The following TFAP2C variants were observed in gnomAD, a reference collection of about 807,000 sequenced individuals.
TFAP2C encodes the protein transcription factor AP-2 gamma, also known as activating enhancer-binding protein 2 gamma.
A neutral mutation model predicts 42.9 loss-of-function variants in TFAP2C; 9 were observed. The ratio of observed to expected loss-of-function variants is 0.21; its 90% CI spans 0.13 to 0.37. The LOEUF (loss-of-function observed/expected upper bound fraction) is 0.37, where lower values mean the gene tolerates loss of function less well. Ranked by LOEUF, TFAP2C falls within the 10% of genes least tolerant of loss-of-function variation. The probability of loss-of-function intolerance (pLI) is 1.00; values close to 1 mark genes in which losing one functional copy is unlikely to be tolerated. For synonymous variants in TFAP2C, 264 were observed against 256.0 expected, an observed-to-expected ratio of 1.03 and a Z score of -0.30; for missense variants, 462 against 591.7, an observed-to-expected ratio of 0.78 and a Z score of 2.27.
intron 6 of TFAP2C, 117 bp from the exon 7 acceptor site, chr20:56,637,611 T>G: frequency 1.1e-6 from 1 of 870,138 alleles, no homozygotes; most frequent in Non-Finnish European, 1.8e-6. Context: ...TTCTCCTTCC[T>G]CGGGTTGAAG....
At chr20:56,633,996 C>CT (rs1383662247) in intron 4 of TFAP2C, among the ~76,000 whole-genome samples, 154 bp from the exon 5 acceptor site, 1 of 152,182 alleles carries the variant, frequency 6.6e-6, no homozygotes, top group African/African-American at 2.4e-5. Flanking sequence ...GAGGACCCTG[C>CT]TATCACTTTT....
chr20:56,631,465 G>T lies in TFAP2C; in HGVS notation c.309G>T (p.Trp103Cys). Residue 103 changes from tryptophan to cysteine, a missense_variant, in exon 2 of 7, where the codon TGG becomes TGT. Coordinates refer to ENST00000201031, the MANE Select transcript of TFAP2C (RefSeq NM_003222.4). The surrounding 1 kb of genome is among the most constrained non-coding windows in gnomAD (Gnocchi z 6.1). ...PAPTGSQQQAWPGRQSQEGAG... is the reference protein window; with the variant it reads ...PAPTGSQQQACPGRQSQEGAG... Reference sequence around the variant, plus strand: ...CCACAGGCAGCCAGCAGCAGGCCTGGCCCGGCCGCCAGAGCCAGGAGGGAG... The same window carrying T: ...CCACAGGCAGCCAGCAGCAGGCCTGTCCCGGCCGCCAGAGCCAGGAGGGAG... 1 of 1,545,084 alleles carries T rather than the reference G, an allele frequency of 6.5e-7. No homozygotes were observed. The highest frequency in any genetic ancestry group is 8.7e-7 in the Non-Finnish European group (1 of 1,148,708).
chr20:56,633,378 TC>T lies in TFAP2C; in HGVS notation c.613del (p.Leu205Ter). 1 of 1,613,932 alleles carries T rather than the reference TC, an allele frequency of 6.2e-7. No homozygotes were observed. Among genetic ancestry groups the T allele is most frequent in the Non-Finnish European group, 8.5e-7 (1 of 1,180,002 alleles). ...KGPISMTKNPLNLPCQKELVG... is the reference protein window; with the variant it reads ...KGPISMTKNPXNLPCQKELVG... ...GTCCCATTTCCATGACCAAGAACCCTCTGAACCTCCCCTGTCAGAAGGAGCT... is the reference window on the plus strand; with the variant it reads ...GTCCCATTTCCATGACCAAGAACCCTTGAACCTCCCCTGTCAGAAGGAGCT... On this transcript the variant is annotated frameshift_variant, in exon 4 of 7. Coordinates refer to ENST00000201031, the MANE Select transcript of TFAP2C (RefSeq NM_003222.4). LOFTEE classifies it high-confidence loss of function.
At position 56,631,249 on chromosome 20, in the gene TFAP2C, C is replaced by A. The variant is rs540558370; in HGVS notation, c.93C>A (p.His31Gln). The A allele has an allele frequency of 5.7e-6, 9 of 1,582,150 alleles. No homozygotes were observed. In the South Asian group the frequency reaches 9.2e-5, roughly 16 times the overall value. ...GCAATGGGAATCCGCGGGTCCCCCA[C>A]CTCTCCTCCGCCGGGCAGCACCTCT... is the stretch of plus-strand genomic sequence containing the variant. Reference protein sequence around the residue: ...GSSNGNPRVPHLSSAGQHLYS... With the variant: ...GSSNGNPRVPQLSSAGQHLYS... Residue 31 changes from histidine to glutamine, a missense_variant, in exon 2 of 7, where the codon CAC (histidine) becomes CAA (glutamine). Physicochemically the swap from His to Gln is conservative, Grantham distance 24. This residue lies in a region of TFAP2C where 271 missense variants were observed against 269.7 expected (regional missense o/e 1.00). Coordinates refer to ENST00000201031, the MANE Select transcript of TFAP2C (RefSeq NM_003222.4). The surrounding 1 kb of genome is among the most constrained non-coding windows in gnomAD (Gnocchi z 6.1).
chr20:56,632,225 A>G (rs942999796), intron 3 of TFAP2C, among the ~76,000 whole-genome samples: 5 of 152,232 alleles, frequency 3.3e-5, no homozygotes, highest in African/African-American at 9.6e-5. Flanking sequence ...TTCTGTAACA[A>G]TTTTAATTGT....
Position 56,631,533 on chromosome 20 carries a change from C to G in TFAP2C, c.377C>G (p.Pro126Arg). ...SHHGRPAGLL[P>R]HLSGLEAGAV... ...CACGGGCGCCCGGCCGGCCTACTGC[C>G]CCACCTCTCCGGGCTGGAGGCGGGC... The change falls in exon 2 of 7, where the codon CCC becomes CGC. Residue 126 changes from proline (P) to arginine (R), a missense_variant. Transcript: ENST00000201031. The surrounding 1 kb of genome is among the most constrained non-coding windows in gnomAD (Gnocchi z 6.1). 1 of 1,526,960 alleles carries G rather than the reference C, an allele frequency of 6.5e-7. No homozygotes were observed. The highest frequency in any genetic ancestry group is 8.7e-7 in the Non-Finnish European group (1 of 1,143,754). 94.6% of individuals were successfully genotyped at this position (1,526,960 alleles called of 1,614,324 possible). A position where few individuals can be genotyped will look rare whatever the true frequency, so the allele number is the denominator to read the frequency against.
chr20:56,630,634 A>T lies in TFAP2C; in HGVS notation c.49-571A>T, dbSNP rs983476262. ...CCCTCTTCACTTCCCAGGGCGGCGC[A>T]GGGTGGCGGGCCCTGCTTTCCGAGC... On this transcript the variant is annotated intron_variant, in intron 1 of 6. Coordinates refer to ENST00000201031, the MANE Select transcript of TFAP2C (RefSeq NM_003222.4). The surrounding 1 kb of genome is among the most constrained non-coding windows in gnomAD (Gnocchi z 5.1). The T allele has an allele frequency of 2.8e-5, 27 of 952,170 alleles. No individual in the cohort carries two copies. In the African/African-American group the frequency reaches 4.4e-4, roughly 16 times the overall value. 59.0% of individuals were successfully genotyped at this position (952,170 alleles called of 1,614,324 possible).
chr20:56,638,145 T>G lies in TFAP2C; in HGVS notation c.*132T>G. On this transcript the variant is annotated 3_prime_UTR_variant, in exon 7 of 7. Coordinates refer to ENST00000201031, the MANE Select transcript of TFAP2C (RefSeq NM_003222.4). ...TACCTACCTTACTATTTAAAGAGCC[T>G]TCACTGGTTCTGCATCACCCGCCCC... The G allele has an allele frequency of 3.8e-6, 3 of 788,708 alleles. No individual in the cohort carries two copies. Among genetic ancestry groups the G allele is most frequent in the Non-Finnish European group, 5.9e-6 (3 of 507,422 alleles). 48.9% of individuals were successfully genotyped at this position (788,708 alleles called of 1,614,324 possible).
In TFAP2C at chr20:56,631,491, C is replaced by A. The variant is rs1447984930; in HGVS notation, c.335C>A (p.Ala112Glu). The change falls in exon 2 of 7, where the codon GCG becomes GAG. Residue 112 changes from alanine to glutamate, a missense_variant. Ala to Glu is a moderately radical substitution (Grantham distance 107, BLOSUM62 -1). Coordinates refer to ENST00000201031, the MANE Select transcript of TFAP2C (RefSeq NM_003222.4). This position sits in a 1 kb window ranked among gnomAD's most constrained non-coding sequence, Gnocchi z 6.1. ...CCCGGCCGCCAGAGCCAGGAGGGAG[C>A]GGGGCTGCCCTCGCACCACGGGCGC... ...AWPGRQSQEGAGLPSHHGRPA... is the reference protein window; with the variant it reads ...AWPGRQSQEGEGLPSHHGRPA... 1 of 1,505,928 alleles carries A rather than the reference C, an allele frequency of 6.6e-7. No individual in the cohort carries two copies. Among genetic ancestry groups the A allele is most frequent in the Non-Finnish European group, 8.8e-7 (1 of 1,133,812 alleles). 93.3% of individuals were successfully genotyped at this position (1,505,928 alleles called of 1,614,324 possible).
intron 5 of TFAP2C, among the ~76,000 whole-genome samples, chr20:56,635,741 T>G (rs1987571510): frequency 6.6e-6 from 1 of 152,148 alleles, no homozygotes; most frequent in South Asian, 2.1e-4. Context: ...ATTTTTCAAG[T>G]TTACTCATCT....
In TFAP2C at chr20:56,631,408, C is replaced by T. The variant is rs1365580048; in HGVS notation, c.252C>T (p.Ala84=). ...ACTCGCATCTGGGGGAAGCGTACGC[C>T]GCCGCCATCAACCCCCTGCACCAGC... ...DPYSHLGEAY[A]AAINPLHQPA... is the part of the protein sequence containing the mutation. Residue 84 remains alanine (A), a synonymous_variant, in exon 2 of 7, where the codon GCC becomes GCT. Transcript: ENST00000201031. The surrounding 1 kb of genome is among the most constrained non-coding windows in gnomAD (Gnocchi z 6.1). 3.7e-6 allele frequency: 6 copies of T among 1,605,600 alleles called. No individual in the cohort carries two copies. Among genetic ancestry groups the T allele is most frequent in the Non-Finnish European group, 5.1e-6 (6 of 1,177,074 alleles).
intron 5 of TFAP2C, among the ~76,000 whole-genome samples, chr20:56,635,535 C>T (rs371220493): frequency 8.6e-5 from 13 of 152,038 alleles, no homozygotes; most frequent in African/African-American, 3.1e-4. Context: ...TAGAGATCTG[C>T]CCCTTCAGTA....
Position 56,638,191 on chromosome 20 carries a change from C to T in TFAP2C, c.*178C>T, listed in dbSNP as rs1987622699. The T allele has an allele frequency of 3.3e-6, 2 of 608,024 alleles. No homozygotes were observed. The highest frequency in any genetic ancestry group is 5.7e-6 in the Non-Finnish European group (2 of 351,070). 37.7% of individuals were successfully genotyped at this position (608,024 alleles called of 1,614,324 possible). A position where few individuals can be genotyped will look rare whatever the true frequency, so the allele number is the denominator to read the frequency against. On this transcript the variant is annotated 3_prime_UTR_variant, in exon 7 of 7. Transcript: ENST00000201031. Reference sequence around the variant, plus strand: ...GCCCCTGGACTTCTTAGTTGTTTCTCTAGCGCTGAGCTATCTCCTAACTTT... The same window carrying T: ...GCCCCTGGACTTCTTAGTTGTTTCTTTAGCGCTGAGCTATCTCCTAACTTT...
Position 56,631,668 on chromosome 20 carries a change from C to A in TFAP2C, c.512C>A (p.Pro171His). Residue 171 changes from proline (P) to histidine (H), a missense_variant, in exon 2 of 7, where the codon CCT becomes CAT. By Grantham distance (77) the Pro-to-His change is moderately conservative. This residue lies in a region of TFAP2C where 271 missense variants were observed against 269.7 expected (regional missense o/e 1.00). Coordinates refer to ENST00000201031, the MANE Select transcript of TFAP2C (RefSeq NM_003222.4). This position sits in a 1 kb window ranked among gnomAD's most constrained non-coding sequence, Gnocchi z 6.1. Reference sequence around the variant, plus strand: ...GAGAACCTGGGGCTCCACGACATGCCTCACCAGATGGACGAGGTGCAGGTG... The same window carrying A: ...GAGAACCTGGGGCTCCACGACATGCATCACCAGATGGACGAGGTGCAGGTG... ...LAENLGLHDM[P>H]HQMDEVQNVD... 1 of 1,589,196 alleles carries A rather than the reference C, an allele frequency of 6.3e-7. No individual in the cohort carries two copies. The highest frequency in any genetic ancestry group is 2.3e-5 in the East Asian group (1 of 44,322).
rs567964940 is a variant in TFAP2C, at chr20:56,631,130, C to A, written c.49-75C>A. ...TGGTCCCCCGGGGCCCTCTGCGTAG[C>A]CCGGCGATGCCGGCCAGTTCGCAGT... is the stretch of plus-strand genomic sequence containing the variant. On this transcript the variant is annotated intron_variant, in intron 1 of 6. Transcript: ENST00000201031. This position sits in a 1 kb window ranked among gnomAD's most constrained non-coding sequence, Gnocchi z 6.1. 28 of 1,465,454 alleles carry A rather than the reference C, an allele frequency of 1.9e-5. No individual in the cohort carries two copies. The East Asian group carries it at 2.3e-4, about 12-fold the overall frequency. The allele number at this position is 1,465,454 out of a possible 1,614,324, so 90.8% of individuals were successfully genotyped here.
In TFAP2C at chr20:56,631,309, C is replaced by T. The variant is rs767119816; in HGVS notation, c.153C>T (p.Val51=). The change falls in exon 2 of 7, where the codon GTC becomes GTT. Residue 51 remains valine (V), a synonymous_variant. Coordinates refer to ENST00000201031, the MANE Select transcript of TFAP2C (RefSeq NM_003222.4). This position sits in a 1 kb window ranked among gnomAD's most constrained non-coding sequence, Gnocchi z 6.1. ...CGCCACCCCTCTCCCACACTGGAGT[C>T]GCCGAATATCAGCCGCCACCCTACT... is the stretch of plus-strand genomic sequence containing the variant. ...SPAPPLSHTG[V]AEYQPPPYFP... is the part of the protein sequence containing the mutation. 1 of 1,608,242 alleles carries T rather than the reference C, an allele frequency of 6.2e-7. No homozygotes were observed. Among genetic ancestry groups the T allele is most frequent in the South Asian group, 1.1e-5 (1 of 89,858 alleles).
At chr20:56,633,307 C>G (rs746349213) in intron 3 of TFAP2C, 46 bp from the exon 4 acceptor site, 2 of 1,512,860 alleles carry the variant, frequency 1.3e-6, no homozygotes, top group Non-Finnish European at 1.8e-6. Flanking sequence ...GTCTCTTTTG[C>G]TCAGAGAGAG....
At position 56,631,006 on chromosome 20, in the gene TFAP2C, C is replaced by T; in HGVS notation, c.49-199C>T. ...TCCCCCAGGTCTTTCACCAGACTCT[C>T]CTCCCTCCCCGCACTCTTTGCTTAC... On this transcript the variant is annotated intron_variant, in intron 1 of 6. Transcript: ENST00000201031. This position sits in a 1 kb window ranked among gnomAD's most constrained non-coding sequence, Gnocchi z 6.1. The T allele has an allele frequency of 2.0e-6, 2 of 985,392 alleles. No individual in the cohort carries two copies. The highest frequency in any genetic ancestry group is 2.4e-6 in the Non-Finnish European group (2 of 829,892). 61.0% of individuals were successfully genotyped at this position (985,392 alleles called of 1,614,324 possible). A position where few individuals can be genotyped will look rare whatever the true frequency, so the allele number is the denominator to read the frequency against.
Position 56,631,093 on chromosome 20 carries a change from G to T in TFAP2C, c.49-112G>T, listed in dbSNP as rs1987479579. The T allele has an allele frequency of 1.4e-6, 2 of 1,438,012 alleles. No individual in the cohort carries two copies. The highest frequency in any genetic ancestry group is 9.1e-7 in the Non-Finnish European group (1 of 1,102,726). The allele number at this position is 1,438,012 out of a possible 1,614,324, so 89.1% of individuals were successfully genotyped here. On this transcript the variant is annotated intron_variant, in intron 1 of 6. Transcript: ENST00000201031. This position sits in a 1 kb window ranked among gnomAD's most constrained non-coding sequence, Gnocchi z 6.1. ...TCCGACCCTGGGCAAGCCCCGCCGG[G>T]CGGGGTGCGGTTGGTCCCCCGGGGC...
Sources: gnomAD v4.1 joint callset for allele counts (sites outside exome capture counted in the v4.1 genomes callset) on GRCh38, gnomAD v4.1.1 for gene constraint, gnomAD v4.1.1 regional missense constraint, Gnocchi (gnomAD v3.1) non-coding constraint, MANE v1.5 for transcripts, NCBI Gene and HGNC (gene_info 2026-07-23, HGNC 2026-07-21) for gene names.